Variants in MEGF11 observed in about 807,000 individuals in gnomAD.
The protein encoded by MEGF11 is multiple EGF like domains 11, also known as multiple epidermal growth factor-like domains protein 11.
MEGF11 carries 126 observed loss-of-function variants against 146.6 expected under a neutral mutation model. The ratio of observed to expected loss-of-function variants is 0.86; its 90% CI spans 0.74 to 1.00. The LOEUF (loss-of-function observed/expected upper bound fraction) is 1.00. MEGF11 is among the 50% of genes least tolerant of loss of function. The pLI is 0.00. For synonymous variants in MEGF11, 532 were observed against 583.4 expected (o/e 0.91, Z 1.27); for missense variants, 1,509 against 1,521.2 (o/e 0.99, Z 0.13).
chr15:66,097,940 G>A (rs759771478), intron 4 of MEGF11, among the ~76,000 whole-genome samples: 2 of 152,110 alleles, frequency 1.3e-5, no homozygotes, highest in African/African-American at 4.8e-5. Context: ...TCCCTCCTCA[G>A]GGTCTGTTTG....
chr15:65,989,053 T>C (rs1276328434), intron 5 of MEGF11, among the ~76,000 whole-genome samples: 1 of 152,190 alleles, frequency 6.6e-6, no homozygotes, highest in Non-Finnish European at 1.5e-5. Context: ...GATCTACCCA[T>C]GGCCATTCCA....
In MEGF11 at chr15:65,914,094, C is replaced by T. The variant is rs190916016; in HGVS notation, c.2474-121G>A. ...AGGAGATCTGGTTCTGGCTTTGGCC[C>T]GATTCCTGAGTCCCTATGTGACTAC... is the stretch of plus-strand genomic sequence containing the variant. On this transcript the variant is annotated intron_variant, in intron 19 of 25. Coordinates refer to ENST00000395614, the MANE Select transcript of MEGF11 (RefSeq NM_001385028.1). The T allele has an allele frequency of 7.1e-4, 530 of 751,286 alleles. 5 individuals carry two copies. The highest frequency in any genetic ancestry group is 7.6e-4 in the Non-Finnish European group (345 of 456,908). The allele number at this position is 751,286 out of a possible 1,614,324, so 46.5% of individuals were successfully genotyped here. A position where few individuals can be genotyped will look rare whatever the true frequency, so the allele number is the denominator to read the frequency against.
chr15:66,241,404 A>G (rs1281490447), intron 1 of MEGF11, among the ~76,000 whole-genome samples: 1 of 152,248 alleles, frequency 6.6e-6, no homozygotes, highest in Non-Finnish European at 1.5e-5. Flanking sequence ...CTTCAAGAAG[A>G]GCAACTACAT....
chr15:66,248,502 T>A (rs954347010), intron 1 of MEGF11, among the ~76,000 whole-genome samples: 1 of 152,224 alleles, frequency 6.6e-6, no homozygotes, highest in African/African-American at 2.4e-5. Flanking sequence ...TCAATAAGTA[T>A]TCAATCTATA....
intron 1 of MEGF11, among the ~76,000 whole-genome samples, chr15:66,249,324 T>G (rs559799267): frequency 1.6e-3 from 241 of 152,254 alleles, no homozygotes; most frequent in African/African-American, 5.7e-3. Context: ...TCTTTCAGTC[T>G]TTTAATGAAG....
chr15:66,190,401 A>G (rs893326638), intron 1 of MEGF11, among the ~76,000 whole-genome samples: 11 of 152,162 alleles, frequency 7.2e-5, no homozygotes, highest in Non-Finnish European at 1.6e-4. Context: ...TCTAGAAGCC[A>G]GGTCCAAGGA....
chr15:66,181,571 A>T (rs1406716539), intron 1 of MEGF11, among the ~76,000 whole-genome samples: 2 of 151,994 alleles, frequency 1.3e-5, no homozygotes, highest in African/African-American at 4.8e-5. Context: ...GGGATGTAGG[A>T]TGCCAATCTT....
At chr15:66,203,452 G>T (rs557147665) in intron 1 of MEGF11, among the ~76,000 whole-genome samples, 2 of 152,348 alleles carry the variant, frequency 1.3e-5, no homozygotes, top group African/African-American at 4.8e-5. Context: ...TCCCAGGGCA[G>T]GAGCTGGTGT....
At chr15:66,213,313 G>A (rs1567286214) in intron 1 of MEGF11, among the ~76,000 whole-genome samples, 1 of 152,132 alleles carries the variant, frequency 6.6e-6, no homozygotes, top group African/African-American at 2.4e-5. Context: ...GAGAGGGGAA[G>A]CAGTGTGTCC....
chr15:65,968,044 T>C (rs574617771), intron 8 of MEGF11, among the ~76,000 whole-genome samples: 1 of 152,266 alleles, frequency 6.6e-6, no homozygotes, highest in South Asian at 2.1e-4. Context: ...CCCCAGATTG[T>C]CTTTCTGCAA....
At chr15:65,899,080 A>G (rs2078428700) in intron 24 of MEGF11, 146 bp from the exon 25 acceptor site, 1 of 773,220 alleles carries the variant, frequency 1.3e-6, no homozygotes, top group Non-Finnish European at 2.0e-6. Flanking sequence ...TACTTATTAA[A>G]TGTGCTGAGA....
At chr15:66,068,153 C>G (rs958840168) in intron 5 of MEGF11, among the ~76,000 whole-genome samples, 2 of 152,196 alleles carry the variant, frequency 1.3e-5, no homozygotes, top group Non-Finnish European at 2.9e-5. Flanking sequence ...CTCTTATTAT[C>G]ATTATTCCTT....
chr15:66,005,832 G>A (rs1327431729), intron 5 of MEGF11, among the ~76,000 whole-genome samples: 1 of 152,142 alleles, frequency 6.6e-6, no homozygotes, highest in Admixed American at 6.5e-5. Context: ...TCTAGCCCTG[G>A]CTCAGCCACT....
chr15:66,091,146 A>G (rs1331350971), intron 5 of MEGF11, among the ~76,000 whole-genome samples: 1 of 152,248 alleles, frequency 6.6e-6, no homozygotes, highest in Non-Finnish European at 1.5e-5. Context: ...CCACTCAGTG[A>G]TCTCCAGAGA....
At chr15:66,241,379 T>C (rs2092204805) in intron 1 of MEGF11, among the ~76,000 whole-genome samples, 1 of 152,112 alleles carries the variant, frequency 6.6e-6, no homozygotes, top group African/African-American at 2.4e-5. Context: ...AGAGAAAAAT[T>C]CTTAATATAA....
chr15:66,120,442 C>T (rs2087967339), intron 3 of MEGF11, among the ~76,000 whole-genome samples: 1 of 152,316 alleles, frequency 6.6e-6, no homozygotes, highest in East Asian at 1.9e-4. Context: ...GGAGCTTGCC[C>T]TGTGGACTCT....
At chr15:65,986,880 C>T (rs2081879592) in intron 5 of MEGF11, among the ~76,000 whole-genome samples, 1 of 150,448 alleles carries the variant, frequency 6.6e-6, no homozygotes, top group African/African-American at 2.5e-5. Flanking sequence ...TCACTGCAAC[C>T]TCTGTCTCCT....
At chr15:66,093,623 C>T (rs1453665163) in intron 5 of MEGF11, among the ~76,000 whole-genome samples, 1 of 152,240 alleles carries the variant, frequency 6.6e-6, no homozygotes, top group Non-Finnish European at 1.5e-5. Context: ...TTAACCAACC[C>T]TTGACTGCAT....
chr15:66,112,994 T>C (rs1000607413), intron 4 of MEGF11, among the ~76,000 whole-genome samples: 7 of 152,176 alleles, frequency 4.6e-5, no homozygotes, highest in African/African-American at 1.7e-4. Flanking sequence ...GAATTCGATT[T>C]AAATTTAAAC....
Sources: allele counts gnomAD v4.1 joint callset (sites outside exome capture counted in the v4.1 genomes callset), GRCh38; gene constraint gnomAD v4.1.1; transcripts MANE v1.5; gene names NCBI Gene and HGNC (gene_info 2026-07-23, HGNC 2026-07-21).